SEL1L2: variants seen among roughly 807,000 people sequenced by gnomAD.
The protein encoded by SEL1L2 is protein sel-1 homolog 2.
SEL1L2 carries 89 observed loss-of-function variants against 98.8 expected under a neutral mutation model. The ratio of observed to expected loss-of-function variants is 0.90; its 90% confidence interval spans 0.76 to 1.07. The LOEUF (loss-of-function observed/expected upper bound fraction) is 1.07, where lower values mean the gene tolerates loss of function less well. Ranked by LOEUF, SEL1L2 falls within the 50% of genes least tolerant of loss-of-function variation. The pLI is 0.00. For missense variants in SEL1L2, 788 were observed against 812.0 expected (o/e 0.97, Z 0.36); for synonymous variants, 262 against 278.5 (o/e 0.94, Z 0.59).
At chr20:13,898,030 G>A (rs988863930) in intron 5 of SEL1L2, among the ~76,000 whole-genome samples, 2 of 152,184 alleles carry the variant, frequency 1.3e-5, no homozygotes, top group Non-Finnish European at 2.9e-5. Context: ...TGCACTGTTA[G>A]TGGGAATGTG....
At chr20:13,857,003 G>T (rs891602559) in intron 18 of SEL1L2, among the ~76,000 whole-genome samples, 2 of 152,076 alleles carry the variant, frequency 1.3e-5, no homozygotes, top group African/African-American at 4.8e-5. Flanking sequence ...TTAATTATCA[G>T]GATATTCATT....
chr20:13,934,370 TTCC>T (rs2049308407), intron 2 of SEL1L2, among the ~76,000 whole-genome samples: 1 of 121,680 alleles, frequency 8.2e-6, no homozygotes, highest in African/African-American at 3.0e-5. Context: ...TATATATATA[TTCC>T]ATATATATAT....
chr20:13,882,973 C>T (rs1019520605), intron 10 of SEL1L2, among the ~76,000 whole-genome samples: 3 of 152,090 alleles, frequency 2.0e-5, no homozygotes, highest in East Asian at 3.9e-4. Context: ...CCCGCCACTA[C>T]GCCCGGCTAA....
intron 4 of SEL1L2, chr20:13,915,380 G>A: frequency 2.0e-6 from 1 of 497,918 alleles, no homozygotes; most frequent in Admixed American, 3.5e-5. Context: ...CAAGGCAGAT[G>A]GTCTCAAGGT....
intron 2 of SEL1L2, among the ~76,000 whole-genome samples, 153 bp downstream of exon 2, chr20:13,955,923 A>G (rs545783718): frequency 1.3e-5 from 2 of 152,316 alleles, no homozygotes; most frequent in East Asian, 1.9e-4. Context: ...CGGTTGACTA[A>G]GCAAATGTTT....
At chr20:13,908,582 T>A (rs895434394) in intron 5 of SEL1L2, among the ~76,000 whole-genome samples, 1 of 152,224 alleles carries the variant, frequency 6.6e-6, no homozygotes, top group South Asian at 2.1e-4. Context: ...TAGAAAAATA[T>A]ATAACTTATC....
chr20:13,885,694 T>A (rs1017659956), intron 9 of SEL1L2, among the ~76,000 whole-genome samples: 1 of 152,170 alleles, frequency 6.6e-6, no homozygotes, highest in African/African-American at 2.4e-5. Flanking sequence ...TACTGTCCCA[T>A]TCCCAAAAAC....
intron 2 of SEL1L2, among the ~76,000 whole-genome samples, chr20:13,939,665 C>CTTTTTTTTTTTTTTTTT (rs3042764): frequency 3.6e-5 from 5 of 138,526 alleles, no homozygotes; most frequent in African/African-American, 1.2e-4. Context: ...CACCCTTATT[C>CTTTTTTTTTTTTTTTTT]TTTTTTTTTT....
chr20:13,887,618 C>A, intron 8 of SEL1L2, 151 bp downstream of exon 8: 1 of 549,464 alleles, frequency 1.8e-6, no homozygotes. Flanking sequence ...GAAACAGAAA[C>A]TGTATTATGT....
intron 2 of SEL1L2, among the ~76,000 whole-genome samples, chr20:13,939,058 T>TTTTTTTTTTTTTTTTTTTTTTTTTTC (rs2049617601): frequency 8.4e-6 from 1 of 119,188 alleles, no homozygotes; most frequent in African/African-American, 3.0e-5. Flanking sequence ...TTTTTTTTTT[T>TTTTTTTTTTTTTTTTTTTTTTTTTTC]TCTGAGATGG....
In SEL1L2 at chr20:13,850,215, C is replaced by T. The variant is rs376034120; in HGVS notation, c.1923G>A (p.Leu641=). The stretch of plus-strand genomic sequence containing the variant: ...CATTAAAAAACAGGATATCCCGGAG[C>T]AAATGCGTAGTTTCCAGTTTCATGA... ...FAVMKLETTH[L]LRDILFFNFT... The change falls in exon 19 of 20, where the codon TTG becomes TTA. Residue 641 remains leucine (L), a synonymous_variant. Coordinates refer to ENST00000284951, the MANE Select transcript of SEL1L2 (RefSeq NM_025229.2). 1.0e-4 allele frequency: 163 copies of T among 1,613,800 alleles called. No individual in the cohort carries two copies. The highest frequency in any genetic ancestry group is 1.3e-4 in the Non-Finnish European group (159 of 1,179,878).
intron 2 of SEL1L2, among the ~76,000 whole-genome samples, chr20:13,945,812 T>C (rs879304413): frequency 3.3e-5 from 5 of 152,074 alleles, no homozygotes; most frequent in Non-Finnish European, 7.4e-5. Context: ...TATGTCACAT[T>C]AACAAAATGA....
At chr20:13,870,934 A>AG (rs1398575925) in intron 12 of SEL1L2, among the ~76,000 whole-genome samples, 1 of 151,798 alleles carries the variant, frequency 6.6e-6, no homozygotes, top group Admixed American at 6.6e-5. Context: ...AAAAAAAAAA[A>AG]AAAAAAAAAA....
At chr20:13,873,455 G>A (rs749971300) in intron 12 of SEL1L2, among the ~76,000 whole-genome samples, 27 of 151,972 alleles carry the variant, frequency 1.8e-4, no homozygotes, top group Admixed American at 4.6e-4. Flanking sequence ...TCTTCCTCCC[G>A]GGTTTAAGTG....
In SEL1L2 at chr20:13,859,362, G is replaced by C. The variant is rs201462576; in HGVS notation, c.1718C>G (p.Thr573Arg). ...YGYGTKKDYQ[T>R]AATHYSIAAN... ...TGCAATGCTGTAGTGTGTGGCTGCT[G>C]TTTGATAGTCTTTCTTAGTCCCATA... Residue 573 changes from threonine to arginine, a missense_variant, in exon 18 of 20, where the codon ACA becomes AGA. By Grantham distance (71) the Thr-to-Arg change is moderately conservative (BLOSUM62 -1). Transcript: ENST00000284951. 2 of 1,614,116 alleles carry C rather than the reference G, an allele frequency of 1.2e-6. No individual in the cohort carries two copies. The highest frequency in any genetic ancestry group is 1.1e-5 in the South Asian group (1 of 91,082).
chr20:13,926,418 G>A (rs1043551826), intron 3 of SEL1L2, among the ~76,000 whole-genome samples: 1 of 152,188 alleles, frequency 6.6e-6, no homozygotes, highest in Non-Finnish European at 1.5e-5. Flanking sequence ...TGCGATGCGG[G>A]CTCACTTGGC....
chr20:13,891,086 G>A (rs1186250317), intron 5 of SEL1L2, among the ~76,000 whole-genome samples: 1 of 152,150 alleles, frequency 6.6e-6, no homozygotes, highest in African/African-American at 2.4e-5. Context: ...AAGGGACAGA[G>A]AGGATATTTG....
intron 5 of SEL1L2, among the ~76,000 whole-genome samples, chr20:13,899,893 A>G (rs1290722733): frequency 6.6e-6 from 1 of 152,170 alleles, no homozygotes; most frequent in African/African-American, 2.4e-5. Context: ...ATTAAATTTC[A>G]TGCTTTTCAA....
upstream of SEL1L2, among the ~76,000 whole-genome samples, chr20:13,990,768 G>A (rs1569100209): frequency 6.6e-6 from 1 of 152,232 alleles, no homozygotes; most frequent in Admixed American, 6.5e-5. Context: ...CTGAAGATAA[G>A]GGGTAGGCTA....
Sources: allele counts gnomAD v4.1 joint callset (sites outside exome capture counted in the v4.1 genomes callset), GRCh38; gene constraint gnomAD v4.1.1; transcripts MANE v1.5; gene names NCBI Gene and HGNC (gene_info 2026-07-23, HGNC 2026-07-21).